Variants in UNC13C observed in about 807,000 individuals in gnomAD.
UNC13C encodes protein unc-13 homolog C.
Under a neutral mutation model 245.4 loss-of-function variants are expected in UNC13C, and 174 were observed. That is an observed-to-expected ratio of 0.71 (90% CI 0.63 to 0.80). The LOEUF (loss-of-function observed/expected upper bound fraction) is 0.80. Ranked by LOEUF, UNC13C falls within the 30% of genes least tolerant of loss-of-function variation. The pLI is 0.00. For synonymous variants in UNC13C, 992 were observed against 895.1 expected, an observed-to-expected ratio of 1.11 and a Z score of -1.93; for missense variants, 2,829 against 2,602.9, an observed-to-expected ratio of 1.09 and a Z score of -1.89.
the UNC13C span, among the ~76,000 whole-genome samples, chr15:53,915,849 C>T: frequency 5.8e-3 from 880 of 152,190 alleles, 10 homozygotes; most frequent in African/African-American, 0.021. Flanking sequence ...CATACAAAAC[C>T]ATGGTTGAAA....
At chr15:54,602,537 T>G (rs1279854809) in intron 30 of UNC13C, among the ~76,000 whole-genome samples, 1 of 152,238 alleles carries the variant, frequency 6.6e-6, no homozygotes, top group Non-Finnish European at 1.5e-5. Context: ...TTTAAAAGCA[T>G]GAGCATATTT....
intron 2 of UNC13C, among the ~76,000 whole-genome samples, chr15:54,089,995 G>A (rs939663086): frequency 2.6e-5 from 4 of 152,122 alleles, no homozygotes; most frequent in Non-Finnish European, 5.9e-5. Context: ...CATTTTACTG[G>A]GAAGGACTCT....
intron 7 of UNC13C, among the ~76,000 whole-genome samples, chr15:54,240,379 G>C (rs1218206987): frequency 6.6e-6 from 1 of 152,086 alleles, no homozygotes; most frequent in African/African-American, 2.4e-5. Context: ...TGCACTTCTT[G>C]GTGCTGAAAA....
At chr15:54,567,560 G>C (rs1376310207) in intron 29 of UNC13C, among the ~76,000 whole-genome samples, 2 of 152,170 alleles carry the variant, frequency 1.3e-5, no homozygotes, top group Non-Finnish European at 2.9e-5. Context: ...TCTTGCATAA[G>C]AGATAAAGGC....
At chr15:53,945,959 T>A in the UNC13C span, among the ~76,000 whole-genome samples, 1 of 152,160 alleles carries the variant, frequency 6.6e-6, no homozygotes, top group Non-Finnish European at 1.5e-5. Flanking sequence ...TAGAGATCTT[T>A]CACCTCCCTG....
intron 24 of UNC13C, among the ~76,000 whole-genome samples, chr15:54,522,202 G>A (rs1184786791): frequency 1.3e-5 from 2 of 152,216 alleles, no homozygotes; most frequent in South Asian, 4.2e-4. Context: ...CAGGCGCGGT[G>A]GCTCACGCCT....
At chr15:54,417,957 C>T (rs903024091) in intron 19 of UNC13C, among the ~76,000 whole-genome samples, 5 of 152,102 alleles carry the variant, frequency 3.3e-5, no homozygotes, top group African/African-American at 1.2e-4. Flanking sequence ...CGGAGTCTAG[C>T]TCTGTCACCA....
At chr15:54,244,833 A>C (rs1567130592) in intron 7 of UNC13C, among the ~76,000 whole-genome samples, 2 of 152,154 alleles carry the variant, frequency 1.3e-5, no homozygotes, top group Admixed American at 6.5e-5. Context: ...GTATCCTCAG[A>C]CTTTGCTGAA....
chr15:54,513,903 A>G (rs1440059450), intron 24 of UNC13C, among the ~76,000 whole-genome samples: 3 of 150,578 alleles, frequency 2.0e-5, no homozygotes, highest in Non-Finnish European at 4.4e-5. Context: ...CTTTTCTCTT[A>G]CTGTGTTCCA....
At chr15:54,597,085 A>T (rs1434992284) in intron 30 of UNC13C, among the ~76,000 whole-genome samples, 1 of 152,176 alleles carries the variant, frequency 6.6e-6, no homozygotes, top group Non-Finnish European at 1.5e-5. Context: ...CCCAAAACTC[A>T]TAAGGAGTGC....
At chr15:54,504,187 TA>T in intron 22 of UNC13C, among the ~76,000 whole-genome samples, 1 of 152,158 alleles carries the variant, frequency 6.6e-6, no homozygotes, top group East Asian at 1.9e-4. Flanking sequence ...TAATATTGCC[TA>T]AAAACAAATA....
At chr15:53,967,988 T>C in the UNC13C span, 2 of 152,194 alleles carry the variant, frequency 1.3e-5, no homozygotes, top group Non-Finnish European at 2.9e-5. Context: ...AACTACTCAG[T>C]ACCAATTACA....
intron 1 of UNC13C, among the ~76,000 whole-genome samples, chr15:53,979,581 C>T (rs1380730596): frequency 6.6e-6 from 1 of 152,094 alleles, no homozygotes; most frequent in Admixed American, 6.5e-5. Flanking sequence ...ACCCTAACTT[C>T]TGCAATTACA....
intron 13 of UNC13C, among the ~76,000 whole-genome samples, chr15:54,304,309 G>A (rs1346050786): frequency 6.6e-6 from 1 of 152,112 alleles, no homozygotes; most frequent in Non-Finnish European, 1.5e-5. Flanking sequence ...TAAAGCAAAA[G>A]AATGCCTTAG....
chr15:54,602,165 G>T (rs768042673), intron 30 of UNC13C, among the ~76,000 whole-genome samples: 12 of 152,210 alleles, frequency 7.9e-5, no homozygotes, highest in Non-Finnish European at 1.6e-4. Flanking sequence ...AGCATCCAAA[G>T]AAAGCAAACC....
At chr15:54,369,640 G>A (rs2039444029) in intron 17 of UNC13C, among the ~76,000 whole-genome samples, 2 of 152,084 alleles carry the variant, frequency 1.3e-5, no homozygotes, top group South Asian at 4.1e-4. Context: ...GAGTTATCTA[G>A]TTTGAAAGGT....
intron 19 of UNC13C, among the ~76,000 whole-genome samples, chr15:54,426,397 G>T (rs1321954718): frequency 6.7e-6 from 1 of 149,502 alleles, no homozygotes; most frequent in African/African-American, 2.5e-5. Flanking sequence ...CTTGGCATTT[G>T]GCCTGTGGCC....
intron 13 of UNC13C, among the ~76,000 whole-genome samples, chr15:54,314,104 A>G (rs764502537): frequency 4.0e-5 from 6 of 151,712 alleles, no homozygotes; most frequent in Non-Finnish European, 8.9e-5. Flanking sequence ...ACTGGAATTC[A>G]CGGAAATAAA....
the UNC13C span, among the ~76,000 whole-genome samples, chr15:53,900,294 T>C: frequency 1.3e-5 from 2 of 152,190 alleles, no homozygotes; most frequent in Non-Finnish European, 2.9e-5. Flanking sequence ...GTGTTTAGGA[T>C]GGCCATACGA....
Sources: gnomAD v4.1 joint callset for allele counts (sites outside exome capture counted in the v4.1 genomes callset) on GRCh38, gnomAD v4.1.1 for gene constraint, MANE v1.5 for transcripts, NCBI Gene and HGNC (gene_info 2026-07-23, HGNC 2026-07-21) for gene names.